FAAH2: variants seen among roughly 807,000 people sequenced by gnomAD.
FAAH2 encodes the protein fatty acid amide hydrolase 2, also known as fatty-acid amide hydrolase 2.
FAAH2 carries 60 observed loss-of-function variants against 36.9 expected under a neutral mutation model. The observed-to-expected ratio is 1.63, with a 90% CI of 1.32 to 2.02. FAAH2 has a LOEUF of 2.02. Among genes scored for constraint, FAAH2 ranks in the 30% most tolerant of loss-of-function variants. The pLI, the probability that FAAH2 is intolerant of heterozygous loss-of-function variation, is 0.00. For synonymous variants in FAAH2, 214 were observed against 143.8 expected (o/e 1.49, Z -3.49); for missense variants, 689 against 397.5 (o/e 1.73, Z -6.23).
the FAAH2 span, among the ~76,000 whole-genome samples, chrX:57,171,826 T>C: frequency 8.9e-6 from 1 of 112,097 alleles, no homozygotes; most frequent in Non-Finnish European, 1.9e-5. Context: ...TTAGTCATAA[T>C]ATTTGCCTAG....
chrX:57,328,831 C>T (rs146847858), intron 3 of FAAH2, among the ~76,000 whole-genome samples: 55 of 111,664 alleles, frequency 4.9e-4, no homozygotes, highest in African/African-American at 1.4e-3. Flanking sequence ...GTGGCCAAGA[C>T]TCAGCTCAGT....
the FAAH2 span, among the ~76,000 whole-genome samples, chrX:57,150,652 A>G: frequency 7.2e-5 from 8 of 111,734 alleles, no homozygotes; most frequent in Admixed American, 1.9e-4. Flanking sequence ...GCCTATGTGT[A>G]TCTCTGCATG....
intron 6 of FAAH2, among the ~76,000 whole-genome samples, chrX:57,379,635 T>A (rs1602465552): frequency 1.8e-5 from 2 of 109,737 alleles, no homozygotes; most frequent in African/African-American, 6.6e-5. Context: ...GAGACAACAT[T>A]TTTTTAGCCC....
chrX:57,357,715 G>C (rs1271198288), intron 5 of FAAH2, among the ~76,000 whole-genome samples: 1 of 111,655 alleles, frequency 9.0e-6, no homozygotes, highest in Non-Finnish European at 1.9e-5. Flanking sequence ...TGGAGAAATA[G>C]GAATGCTTTT....
intron 4 of FAAH2, among the ~76,000 whole-genome samples, chrX:57,336,200 C>T (rs1248898636): frequency 2.7e-5 from 3 of 111,107 alleles, no homozygotes; most frequent in African/African-American, 9.8e-5. Flanking sequence ...TGTGAAATTC[C>T]TTCTCCTGGC....
chrX:57,294,755 C>T (rs1025498276), intron 2 of FAAH2, among the ~76,000 whole-genome samples: 3 of 111,399 alleles, frequency 2.7e-5, no homozygotes, highest in East Asian at 2.8e-4. Flanking sequence ...AGGACTCAGT[C>T]CAGTTCTCAA....
In FAAH2 at chrX:57,381,131, C is replaced by A. The variant is rs995410152; in HGVS notation, c.996+102C>A. On this transcript the variant is annotated intron_variant, in intron 7 of 10. Transcript: ENST00000374900. ...TGCCAAATATTTCTGTGTCAGCATA[C>A]GGAATTAAGGTTTTCAGAACAGTTA... is the stretch of plus-strand genomic sequence containing the variant. 1.4e-5 allele frequency: 8 copies of A among 588,060 alleles called. No homozygotes were observed. The African/African-American group carries it at 1.9e-4, about 14-fold the overall frequency. 48.5% of individuals were successfully genotyped at this position (588,060 alleles called of 1,213,427 possible).
At chrX:57,431,219 C>T (rs1196633953) in intron 7 of FAAH2, among the ~76,000 whole-genome samples, 1 of 111,633 alleles carries the variant, frequency 9.0e-6, no homozygotes. Context: ...ATAAACATGA[C>T]CTGACAAGAC....
rs1000917402 is a variant in FAAH2 at position 57,452,883 on chromosome X, C to T, written c.1423+4165C>T. ...GAGTCTATGATATTTAAGCTGGGAT[C>T]TGTTTTCCCCTCCGCTTCTCAGATA... is the stretch of plus-strand genomic sequence containing the variant. On this transcript the variant is annotated intron_variant, in intron 10 of 10. Transcript: ENST00000374900. 6.2e-5 allele frequency among the ~76,000 whole-genome samples: 7 copies of T among 112,191 alleles called. No individual in the cohort carries two copies. The South Asian group carries it at 1.8e-3, about 30-fold the overall frequency.
the FAAH2 span, among the ~76,000 whole-genome samples, chrX:57,158,715 T>C: frequency 8.9e-6 from 1 of 112,284 alleles, no homozygotes; most frequent in Non-Finnish European, 1.9e-5. Flanking sequence ...TGTAAATTTG[T>C]TTGAGTTCAT....
the FAAH2 span, among the ~76,000 whole-genome samples, chrX:57,208,592 G>A: frequency 8.9e-6 from 1 of 111,746 alleles, no homozygotes; most frequent in Admixed American, 9.5e-5. Flanking sequence ...AGCGCTAGAG[G>A]AATTAAGACA....
chrX:57,162,230 G>A, the FAAH2 span, among the ~76,000 whole-genome samples: 2 of 111,909 alleles, frequency 1.8e-5, no homozygotes, highest in Non-Finnish European at 3.8e-5. Flanking sequence ...CGAGAGATCC[G>A]CTGTTAGTCT....
At position 57,420,195 on chromosome X, in the gene FAAH2, G is replaced by C. The variant is rs4344218; in HGVS notation, c.997-11723G>C. Among the ~76,000 whole-genome samples, 5 of 106,582 alleles carry C rather than the reference G, an allele frequency of 4.7e-5. No individual in the cohort carries two copies. In the South Asian group the frequency reaches 1.7e-3, roughly 36 times the overall value. The allele number at this position is 106,582 out of a possible 115,157, so 92.6% of individuals were successfully genotyped here. A position where few individuals can be genotyped will look rare whatever the true frequency, so the allele number is the denominator to read the frequency against. On this transcript the variant is annotated intron_variant, in intron 7 of 10. Transcript: ENST00000374900. ...TCTTTTGGCTTAGGATTGACTTGGCGATGTGGGCTCTTTTTTGGTTCCATA... is the reference window on the plus strand; with the variant it reads ...TCTTTTGGCTTAGGATTGACTTGGCCATGTGGGCTCTTTTTTGGTTCCATA...
At chrX:57,343,677 A>C (rs2053747387) in intron 5 of FAAH2, among the ~76,000 whole-genome samples, 1 of 111,602 alleles carries the variant, frequency 9.0e-6, no homozygotes, top group Admixed American at 9.5e-5. Context: ...ACTTAGCCAT[A>C]AATTATTTGC....
chrX:57,216,576 A>ACG, the FAAH2 span, among the ~76,000 whole-genome samples: 12 of 52,336 alleles, frequency 2.3e-4, 2 homozygotes, highest in African/African-American at 1.1e-3. Context: ...GTATATGTAT[A>ACG]TATATGTATA....
chrX:57,150,931 C>T, the FAAH2 span, among the ~76,000 whole-genome samples: 1 of 112,188 alleles, frequency 8.9e-6, no homozygotes, highest in East Asian at 2.8e-4. Flanking sequence ...GTGCTTCCTT[C>T]AGGAGCTCTT....
Position 57,404,128 on chromosome X carries a change from T to G in FAAH2, c.996+23099T>G, listed in dbSNP as rs193226269. On this transcript the variant is annotated intron_variant, in intron 7 of 10. Transcript: ENST00000374900. The stretch of plus-strand genomic sequence containing the variant: ...TAAAGATTTTTTATAGGAAGTCTAC[T>G]GGTTATCAGTGGCCTCAGTGCTTTC... 4.2e-4 allele frequency among the ~76,000 whole-genome samples: 47 copies of G among 112,412 alleles called. 2 individuals are homozygous for G. In the East Asian group the frequency reaches 0.012, roughly 30 times the overall value.
chrX:57,228,778 A>G, the FAAH2 span, among the ~76,000 whole-genome samples: 1 of 111,848 alleles, frequency 8.9e-6, no homozygotes, highest in Non-Finnish European at 1.9e-5. Flanking sequence ...ACTTTGCTCC[A>G]TGATTCCGGT....
chrX:57,333,599 T>A (rs867881781), intron 4 of FAAH2, among the ~76,000 whole-genome samples: 5 of 104,397 alleles, frequency 4.8e-5, no homozygotes, highest in Admixed American at 1.0e-4. Flanking sequence ...ATGCTAGAAA[T>A]AAAAAAAAAA....
Sources: gnomAD v4.1 joint callset for allele counts (sites outside exome capture counted in the v4.1 genomes callset) on GRCh38, gnomAD v4.1.1 for gene constraint, MANE v1.5 for transcripts, NCBI Gene and HGNC (gene_info 2026-07-23, HGNC 2026-07-21) for gene names.